Variants in CDK14 observed in about 807,000 individuals in gnomAD.
CDK14 encodes cyclin dependent kinase 14, also known as cyclin-dependent kinase 14.
A neutral mutation model predicts 60.7 loss-of-function variants in CDK14; 34 were observed. The ratio of observed to expected loss-of-function variants is 0.56; its 90% confidence interval spans 0.43 to 0.75. The LOEUF (loss-of-function observed/expected upper bound fraction) is 0.75, where lower values mean the gene tolerates loss of function less well. Among genes scored for constraint, CDK14 ranks in the 30% least tolerant of loss-of-function variants. CDK14 has a pLI of 0.00. For missense variants in CDK14, 482 were observed against 564.1 expected (o/e 0.85, Z 1.47); for synonymous variants, 197 against 203.7 (o/e 0.97, Z 0.28).
At chr7:90,859,435 C>T (rs1029254964) in intron 5 of CDK14, among the ~76,000 whole-genome samples, 10 of 152,160 alleles carry the variant, frequency 6.6e-5, no homozygotes, top group Admixed American at 6.5e-4. Context: ...TCTCTGATGA[C>T]TGTCCAGTGC....
chr7:90,898,686 G>T (rs941421876), intron 6 of CDK14, among the ~76,000 whole-genome samples: 27 of 152,018 alleles, frequency 1.8e-4, no homozygotes, highest in Non-Finnish European at 7.4e-5. Flanking sequence ...ATAACAGCAT[G>T]AGATGTTGAA....
chr7:90,607,553 C>T (rs1799443759), intron 2 of CDK14, among the ~76,000 whole-genome samples: 1 of 152,198 alleles, frequency 6.6e-6, no homozygotes, highest in Non-Finnish European at 1.5e-5. Flanking sequence ...TGATTTCAGT[C>T]TAATCTGCTA....
At chr7:90,685,297 C>T (rs1801409210) in intron 2 of CDK14, among the ~76,000 whole-genome samples, 1 of 151,992 alleles carries the variant, frequency 6.6e-6, no homozygotes, top group Non-Finnish European at 1.5e-5. Flanking sequence ...GGGCCTGTAT[C>T]TCAATGATGA....
intron 2 of CDK14, among the ~76,000 whole-genome samples, chr7:90,670,504 G>A (rs1467408470): frequency 1.3e-5 from 2 of 152,180 alleles, no homozygotes; most frequent in Non-Finnish European, 2.9e-5. Context: ...AAAGAAAAGA[G>A]GTTTAATTGG....
At chr7:90,628,927 C>T (rs966816264) in intron 2 of CDK14, among the ~76,000 whole-genome samples, 2 of 150,854 alleles carry the variant, frequency 1.3e-5, no homozygotes, top group African/African-American at 2.4e-5. Context: ...TTCACAGACT[C>T]TCAGGTAATG....
chr7:91,185,382 T>C (rs1371891897), intron 14 of CDK14, among the ~76,000 whole-genome samples: 1 of 151,938 alleles, frequency 6.6e-6, no homozygotes, highest in African/African-American at 2.4e-5. Context: ...AAAACTATAC[T>C]TTTTTCCGGA....
intron 12 of CDK14, among the ~76,000 whole-genome samples, chr7:91,095,042 G>A (rs1467441625): frequency 6.6e-6 from 1 of 152,216 alleles, no homozygotes; most frequent in African/African-American, 2.4e-5. Flanking sequence ...TGCTCTGGAT[G>A]TTTGGGAATG....
chr7:91,030,478 A>T (rs1007440895), intron 10 of CDK14, among the ~76,000 whole-genome samples: 3 of 152,128 alleles, frequency 2.0e-5, no homozygotes, highest in African/African-American at 7.2e-5. Flanking sequence ...CAACCACTGC[A>T]GACACAAAAA....
intron 6 of CDK14, among the ~76,000 whole-genome samples, chr7:90,878,580 T>C (rs923466412): frequency 3.3e-5 from 5 of 151,788 alleles, no homozygotes; most frequent in African/African-American, 1.2e-4. Context: ...CTTACAAAGA[T>C]TAATTTATAA....
intron 2 of CDK14, among the ~76,000 whole-genome samples, chr7:90,636,473 A>T (rs1228624467): frequency 2.0e-5 from 3 of 151,974 alleles, no homozygotes; most frequent in Non-Finnish European, 4.4e-5. Flanking sequence ...CTTGCATCCC[A>T]GGGATGAAGC....
chr7:90,600,283 GT>G (rs1178427174), intron 1 of CDK14, among the ~76,000 whole-genome samples: 6 of 152,084 alleles, frequency 3.9e-5, no homozygotes, highest in Admixed American at 1.3e-4. Flanking sequence ...TTATTGAGTA[GT>G]TTAAGTATTT....
intron 12 of CDK14, among the ~76,000 whole-genome samples, chr7:91,089,142 G>T (rs1168375465): frequency 1.3e-5 from 2 of 152,136 alleles, no homozygotes; most frequent in African/African-American, 4.8e-5. Context: ...TTAGAACTGA[G>T]TTTTAATAAG....
At chr7:90,608,019 T>A (rs751049189) in intron 2 of CDK14, among the ~76,000 whole-genome samples, 1 of 152,212 alleles carries the variant, frequency 6.6e-6, no homozygotes, top group Admixed American at 6.5e-5. Context: ...TAAGCTAGAT[T>A]GAAGGTGAAA....
intron 5 of CDK14, among the ~76,000 whole-genome samples, chr7:90,799,928 AAAG>A (rs1788575385): frequency 6.6e-6 from 1 of 152,164 alleles, no homozygotes; most frequent in Non-Finnish European, 1.5e-5. Flanking sequence ...ATTTTTCAAT[AAAG>A]AAAGGAAGGC....
chr7:90,989,593 CATGAATAATTGCTG>C (rs1369664716), intron 10 of CDK14, among the ~76,000 whole-genome samples: 5 of 152,146 alleles, frequency 3.3e-5, no homozygotes, highest in Non-Finnish European at 4.4e-5. Flanking sequence ...GGAATGGAAT[CATGAATAATTGCTG>C]AGCAATTGGT....
chr7:90,704,041 C>T (rs1035397196), intron 2 of CDK14, among the ~76,000 whole-genome samples: 9 of 152,190 alleles, frequency 5.9e-5, no homozygotes, highest in Non-Finnish European at 1.0e-4. Context: ...TGCTGTAACT[C>T]ATAATCGTGC....
intron 2 of CDK14, among the ~76,000 whole-genome samples, chr7:90,723,608 T>C (rs1164955314): frequency 2.0e-5 from 3 of 152,198 alleles, no homozygotes; most frequent in African/African-American, 4.8e-5. Context: ...ATTATATTTA[T>C]GGGATACAAG....
chr7:90,661,514 G>A (rs550147027), intron 2 of CDK14, among the ~76,000 whole-genome samples: 2 of 152,190 alleles, frequency 1.3e-5, no homozygotes, highest in Non-Finnish European at 2.9e-5. Context: ...CAGTGACTGG[G>A]TATGGTCTTT....
chr7:90,874,721 G>T (rs186917984), intron 6 of CDK14, among the ~76,000 whole-genome samples: 161 of 149,856 alleles, frequency 1.1e-3, no homozygotes, highest in Middle Eastern at 3.4e-3. Context: ...GTAGAGACGG[G>T]GTTTCACCTT....
Sources: allele counts gnomAD v4.1 joint callset (sites outside exome capture counted in the v4.1 genomes callset), GRCh38; gene constraint gnomAD v4.1.1; transcripts MANE v1.5; gene names NCBI Gene and HGNC (gene_info 2026-07-23, HGNC 2026-07-21).